NRIP1: variants seen among roughly 807,000 people sequenced by gnomAD.
The protein encoded by NRIP1 is nuclear receptor-interacting protein 1.
Under a neutral mutation model 75.0 loss-of-function variants are expected in NRIP1, and 28 were observed. The observed-to-expected ratio is 0.37, with a 90% confidence interval of 0.28 to 0.51. The LOEUF (loss-of-function observed/expected upper bound fraction) is 0.51. NRIP1 is among the 20% of genes least tolerant of loss of function. The probability of loss-of-function intolerance (pLI) is 0.92; values close to 1 mark genes in which losing one functional copy is unlikely to be tolerated. For missense variants in NRIP1, 1,435 were observed against 1,343.7 expected (o/e 1.07, Z -1.06); for synonymous variants, 526 against 487.6 (o/e 1.08, Z -1.04).
chr21:14,990,443 C>T (rs2147068015), intron 3 of NRIP1, among the ~76,000 whole-genome samples: 1 of 152,128 alleles, frequency 6.6e-6, no homozygotes, highest in Middle Eastern at 3.4e-3. Context: ...CTGTCCAAGC[C>T]CTAGATGATG....
chr21:15,002,180 C>T (rs2087863466), intron 3 of NRIP1: 1 of 152,158 alleles, frequency 6.6e-6, no homozygotes, highest in Non-Finnish European at 1.5e-5. Context: ...ACGGCCCTAC[C>T]TTTCTCTCAC....
chr21:15,000,725 T>C (rs1174766356), intron 3 of NRIP1, among the ~76,000 whole-genome samples: 1 of 152,208 alleles, frequency 6.6e-6, no homozygotes, highest in African/African-American at 2.4e-5. Flanking sequence ...ACTTTTCCTC[T>C]ACAATTTCTG....
Position 14,966,161 on chromosome 21 carries a change from T to C in NRIP1, c.2032A>G (p.Thr678Ala), listed in dbSNP as rs1568938072. The C allele has an allele frequency of 1.9e-6, 3 of 1,613,402 alleles. No individual in the cohort carries two copies. The Admixed American group carries it at 5.0e-5, about 27-fold the overall frequency. Residue 678 changes from threonine (T) to alanine (A), a missense_variant, in exon 4 of 4, where the codon ACA becomes GCA. Transcript: ENST00000318948. Reference sequence around the variant, plus strand: ...GCTTTATTTTCTTCAACTGCATTTGTTTTATTTGAGAGCAAAGGGCTATTT... The same window carrying C: ...GCTTTATTTTCTTCAACTGCATTTGCTTTATTTGAGAGCAAAGGGCTATTT... ...RLNSPLLSNK[T>A]NAVEENKAFS...
At chr21:15,041,968 C>T (rs540657678) in intron 2 of NRIP1, among the ~76,000 whole-genome samples, 30 of 152,084 alleles carry the variant, frequency 2.0e-4, no homozygotes, top group African/African-American at 4.8e-4. Flanking sequence ...CCCCCGTAAC[C>T]GACAAAAAGA....
intron 1 of NRIP1, among the ~76,000 whole-genome samples, chr21:15,053,584 T>C (rs2089246273): frequency 6.6e-6 from 1 of 152,204 alleles, no homozygotes; most frequent in Non-Finnish European, 1.5e-5. Context: ...TTCTATAACA[T>C]ACCGACTGAC....
Position 14,965,280 on chromosome 21 carries a change from G to A in NRIP1, c.2913C>T (p.Asn971=), listed in dbSNP as rs762515421. The change falls in exon 4 of 4, where the codon AAC becomes AAT. Residue 971 remains asparagine (N), a synonymous_variant. Coordinates refer to ENST00000318948, the MANE Select transcript of NRIP1 (RefSeq NM_003489.4). ...KKKGHKNNVT[N]SKPEFSISSL... ...AAGAAATGCTAAATTCAGGTTTGCT[G>A]TTGGTCACATTATTTTTGTGTCCTT... 1 of 1,614,028 alleles carries A rather than the reference G, an allele frequency of 6.2e-7. No homozygotes were observed. The highest frequency in any genetic ancestry group is 2.2e-5 in the East Asian group (1 of 44,884).
intron 1 of NRIP1, among the ~76,000 whole-genome samples, chr21:15,056,661 T>C (rs868449923): frequency 1.2e-4 from 19 of 152,208 alleles, no homozygotes; most frequent in African/African-American, 4.6e-4. Flanking sequence ...AAAACACAGA[T>C]GTTTCCTTTG....
Position 14,965,645 on chromosome 21 carries a change from T to G in NRIP1, c.2548A>C (p.Lys850Gln). The G allele has an allele frequency of 6.2e-7, 1 of 1,613,320 alleles. No individual in the cohort carries two copies. Among genetic ancestry groups the G allele is most frequent in the East Asian group, 2.2e-5 (1 of 44,884 alleles). Residue 850 changes from lysine to glutamine, a missense_variant, in exon 4 of 4, where the codon AAG (lysine) becomes CAG (glutamine). Coordinates refer to ENST00000318948, the MANE Select transcript of NRIP1 (RefSeq NM_003489.4). ...RNNEMALLES[K>Q]NLCMVPKKRK... ...TTCTTAGGGACCATGCAAAGATTCT[T>G]TGATTCTAGAAGTGCCATTTCATTA...
chr21:15,029,797 C>G (rs1216860172), intron 2 of NRIP1, among the ~76,000 whole-genome samples: 1 of 150,976 alleles, frequency 6.6e-6, no homozygotes, highest in Non-Finnish European at 1.5e-5. Flanking sequence ...GCCTGGGCAA[C>G]AGAGTCCCTG....
chr21:15,027,227 A>C (rs557504773), intron 2 of NRIP1, among the ~76,000 whole-genome samples: 1 of 152,236 alleles, frequency 6.6e-6, no homozygotes, highest in African/African-American at 2.4e-5. Context: ...GGAGAGCAAC[A>C]TATCGACAGA....
rs201341797 is a variant in NRIP1 at position 14,966,850 on chromosome 21, C to A, written c.1343G>T (p.Arg448Leu). The change falls in exon 4 of 4, where the codon CGA becomes CTA. Residue 448 changes from arginine to leucine, a missense_variant. Arg to Leu is a moderately radical substitution (Grantham distance 102). Coordinates refer to ENST00000318948, the MANE Select transcript of NRIP1 (RefSeq NM_003489.4). ...TTGGTCAGATTCTGATTTTTCAGTT[C>A]GGTGTTTGCAAGACAAGTCTATGGG... The part of the protein sequence containing the change: ...CVPIDLSCKH[R>L]TEKSESDQPV... 3.1e-6 allele frequency: 5 copies of A among 1,614,078 alleles called. No homozygotes were observed. In the Admixed American group the frequency reaches 5.0e-5, roughly 16 times the overall value.
Position 15,007,077 on chromosome 21 carries a change from T to C in NRIP1, c.-335+7267A>G, listed in dbSNP as rs74411223. On this transcript the variant is annotated intron_variant, in intron 3 of 3. Transcript: ENST00000318948. ...TGACACAGGAAGTGTGGTAGTCCAA[T>C]GGGAGTGGAGATTAGGCTGGAAATG... 6.6e-3 allele frequency among the ~76,000 whole-genome samples: 1,007 copies of C among 152,168 alleles called. 13 individuals are homozygous for C. Among genetic ancestry groups the C allele is most frequent in the East Asian group, 0.049 (254 of 5,178 alleles).
At chr21:15,001,588 A>G (rs1472303722) in intron 3 of NRIP1, among the ~76,000 whole-genome samples, 2 of 152,026 alleles carry the variant, frequency 1.3e-5, no homozygotes, top group African/African-American at 4.8e-5. Flanking sequence ...GAAATATGCA[A>G]TTTCCTTTTC....
At chr21:14,975,794 T>A (rs1214338761) in intron 3 of NRIP1, among the ~76,000 whole-genome samples, 2 of 152,050 alleles carry the variant, frequency 1.3e-5, no homozygotes, top group African/African-American at 4.8e-5. Flanking sequence ...GCCTTTTTTT[T>A]AAAGGACAGT....
rs1199157174 is a variant in NRIP1, at chr21:14,966,959, T to C, written c.1234A>G (p.Thr412Ala). 1.2e-6 allele frequency: 2 copies of C among 1,614,176 alleles called. No individual in the cohort carries two copies. Among genetic ancestry groups the C allele is most frequent in the Non-Finnish European group, 8.5e-7 (1 of 1,180,008 alleles). ...GSIFEESSTPTTIDEYSDNNP... is the reference protein window; with the variant it reads ...GSIFEESSTPATIDEYSDNNP... ...TTATCTGAATATTCATCAATAGTTG[T>C]AGGTGTACTACTTTCCTCAAAAATG... The change falls in exon 4 of 4, where the codon ACA becomes GCA. Residue 412 changes from threonine (T) to alanine (A), a missense_variant. Physicochemically the swap from Thr to Ala is moderately conservative, Grantham distance 58. Coordinates refer to ENST00000318948, the MANE Select transcript of NRIP1 (RefSeq NM_003489.4).
At chr21:15,012,049 A>C (rs887197484) in intron 3 of NRIP1, among the ~76,000 whole-genome samples, 2 of 152,198 alleles carry the variant, frequency 1.3e-5, no homozygotes, top group African/African-American at 4.8e-5. Flanking sequence ...AAATTACTAT[A>C]CTTAAAAATA....
chr21:14,989,018 C>T (rs1600838924), intron 3 of NRIP1, among the ~76,000 whole-genome samples: 2 of 152,252 alleles, frequency 1.3e-5, no homozygotes, highest in East Asian at 3.9e-4. Flanking sequence ...GCAAAGTACT[C>T]CGATCACCAG....
At chr21:14,977,956 C>G (rs2146995473) in intron 3 of NRIP1, among the ~76,000 whole-genome samples, 1 of 152,296 alleles carries the variant, frequency 6.6e-6, no homozygotes, top group East Asian at 1.9e-4. Flanking sequence ...TCCTCAGAGA[C>G]AGGTGGCATG....
At chr21:15,043,731 GC>G (rs369708847) in intron 1 of NRIP1, among the ~76,000 whole-genome samples, 157 bp from the exon 2 acceptor site, 167 of 152,290 alleles carry the variant, frequency 1.1e-3, no homozygotes, top group African/African-American at 3.9e-3. Context: ...CATGATACAT[GC>G]TTTCTTTGGA....
Sources: gnomAD v4.1 joint callset for allele counts (sites outside exome capture counted in the v4.1 genomes callset) on GRCh38, gnomAD v4.1.1 for gene constraint, MANE v1.5 for transcripts, NCBI Gene and HGNC (gene_info 2026-07-23, HGNC 2026-07-21) for gene names.